Variants in ISM2 observed in about 807,000 individuals in gnomAD.
The protein encoded by ISM2 is isthmin 2, also known as isthmin-2.
ISM2 carries 50 observed loss-of-function variants against 58.0 expected under a neutral mutation model. The ratio of observed to expected loss-of-function variants is 0.86; its 90% CI spans 0.69 to 1.09. The LOEUF is 1.09. Ranked by LOEUF, ISM2 falls within the 50% of genes least tolerant of loss-of-function variation. The pLI, the probability that ISM2 is intolerant of heterozygous loss-of-function variation, is 0.00. For missense variants in ISM2, 723 were observed against 745.0 expected (o/e 0.97, Z 0.34); for synonymous variants, 303 against 312.4 (o/e 0.97, Z 0.32).
intron 1 of ISM2, among the ~76,000 whole-genome samples, chr14:77,496,393 C>T (rs979689276): frequency 6.6e-6 from 1 of 151,896 alleles, no homozygotes; most frequent in Non-Finnish European, 1.5e-5. Context: ...GAGGCAGAGG[C>T]AGGAGAATCG....
At chr14:77,496,722 G>A (rs1223386219) in intron 1 of ISM2, among the ~76,000 whole-genome samples, 5 of 139,712 alleles carry the variant, frequency 3.6e-5, no homozygotes, top group Non-Finnish European at 7.7e-5. Context: ...GCTTGAACCC[G>A]AGAGGCGGAG....
At chr14:77,491,026 C>T (rs2079200380) in intron 1 of ISM2, among the ~76,000 whole-genome samples, 1 of 152,230 alleles carries the variant, frequency 6.6e-6, no homozygotes, top group Non-Finnish European at 1.5e-5. Flanking sequence ...AGAAAGACCC[C>T]ACAACCAGAT....
Position 77,475,666 on chromosome 14 carries a change from C to G in ISM2, c.1645G>C (p.Gly549Arg), listed in dbSNP as rs373723599. The G allele has an allele frequency of 2.5e-6, 4 of 1,613,656 alleles. No individual in the cohort carries two copies. The highest frequency in any genetic ancestry group is 1.7e-6 in the Non-Finnish European group (2 of 1,179,762). The change falls in exon 7 of 7, where the codon GGC becomes CGC. Residue 549 changes from glycine (G) to arginine (R), a missense_variant. Coordinates refer to ENST00000342219, the MANE Select transcript of ISM2 (RefSeq NM_199296.3). This position sits in a 1 kb window ranked among gnomAD's most constrained non-coding sequence, Gnocchi z 4.1. ...AGGGGGTTGTCGGTGCAGGCTCGGCCGTTGTTGGGAGGGAGCACAGCGTGG... is the reference window on the plus strand; with the variant it reads ...AGGGGGTTGTCGGTGCAGGCTCGGCGGTTGTTGGGAGGGAGCACAGCGTGG... Reference protein sequence around the residue: ...RLHAVLPPNNGRACTDNPLEE... With the variant: ...RLHAVLPPNNRRACTDNPLEE...
intron 1 of ISM2, among the ~76,000 whole-genome samples, chr14:77,493,537 C>T (rs1274599490): frequency 6.6e-6 from 1 of 152,208 alleles, no homozygotes; most frequent in Admixed American, 6.5e-5. Context: ...TCTCAGCACA[C>T]TGCAACCTCT....
rs1229245024 is a variant in ISM2, at chr14:77,475,868, A to G, written c.1443T>C (p.Ser481=). The G allele has an allele frequency of 6.2e-7, 1 of 1,608,452 alleles. No individual in the cohort carries two copies. The highest frequency in any genetic ancestry group is 1.7e-5 in the Admixed American group (1 of 60,006). ...TARFCLRSML[S]GESSTLAAQH... ...GGGCGGCCAGTGTGCTGCTCTCCCC[A>G]GACAGCATGGAACGCAGGCAGAAGC... is the stretch of plus-strand genomic sequence containing the variant. Residue 481 remains serine (S), a synonymous_variant, in exon 7 of 7, where the codon TCT becomes TCC. Transcript: ENST00000342219. The surrounding 1 kb of genome is among the most constrained non-coding windows in gnomAD (Gnocchi z 4.1).
rs1212385838 is a variant in ISM2, at chr14:77,474,555, G to C, written c.*1040C>G. ...TAGAAGGCAAGGAAGTGCAGCCAGG[G>C]GAATGGGGAGGCAGGGAAGAGGCAT... On this transcript the variant is annotated 3_prime_UTR_variant, in exon 7 of 7. Transcript: ENST00000342219. 6.6e-6 allele frequency: 1 copy of C among 152,300 alleles called. No individual in the cohort carries two copies. Among genetic ancestry groups the C allele is most frequent in the Non-Finnish European group, 1.5e-5 (1 of 68,108 alleles). 9.4% of individuals were successfully genotyped at this position (152,300 alleles called of 1,614,324 possible). A position where few individuals can be genotyped will look rare whatever the true frequency, so the allele number is the denominator to read the frequency against.
rs755978082 is a variant in ISM2 at position 77,482,393 on chromosome 14, C to A, written c.902G>T (p.Gly301Val). 6.2e-7 allele frequency: 1 copy of A among 1,614,172 alleles called. No homozygotes were observed. The highest frequency in any genetic ancestry group is 8.5e-7 in the Non-Finnish European group (1 of 1,180,008). The change falls in exon 4 of 7, where the codon GGA becomes GTA. Residue 301 changes from glycine to valine, a missense_variant. Coordinates refer to ENST00000342219, the MANE Select transcript of ISM2 (RefSeq NM_199296.3). ...DEEEQALWFN[G>V]TTDNWDQGWL... Reference sequence around the variant, plus strand: ...GCCCTGGTCCCAGTTGTCTGTAGTTCCATTGAACCAGAGCGCCTGCTCTTC... The same window carrying A: ...GCCCTGGTCCCAGTTGTCTGTAGTTACATTGAACCAGAGCGCCTGCTCTTC...
intron 6 of ISM2, among the ~76,000 whole-genome samples, chr14:77,476,833 C>T (rs574273379): frequency 1.3e-4 from 20 of 152,286 alleles, no homozygotes; most frequent in Non-Finnish European, 2.1e-4. Flanking sequence ...GAGGTAGGAG[C>T]TCAAGACCAG....
rs200501865 is a variant in ISM2, at chr14:77,495,138, C to T, written c.141+3515G>A. 4.6e-5 allele frequency among the ~76,000 whole-genome samples: 7 copies of T among 152,226 alleles called. No homozygotes were observed. The East Asian group carries it at 1.2e-3, about 25-fold the overall frequency. ...CTCCTGGGCTCAAGCAATTCTCCCA[C>T]CTTGGCCTCCCAAAGTGCTGGGATT... On this transcript the variant is annotated intron_variant, in intron 1 of 6. Coordinates refer to ENST00000342219, the MANE Select transcript of ISM2 (RefSeq NM_199296.3).
At chr14:77,478,177 T>C in intron 6 of ISM2, 65 bp downstream of exon 6, 2 of 1,342,066 alleles carry the variant, frequency 1.5e-6, no homozygotes, top group Non-Finnish European at 2.1e-6. Context: ...CATGGAATAA[T>C]ACCCCACCCT....
chr14:77,476,984 G>A (rs1409756833), intron 6 of ISM2, among the ~76,000 whole-genome samples: 1 of 152,182 alleles, frequency 6.6e-6, no homozygotes, highest in East Asian at 1.9e-4. Flanking sequence ...GTTGCAGTGA[G>A]CTGAGATCAC....
At position 77,475,631 on chromosome 14, in the gene ISM2, C is replaced by T. The variant is rs759354654; in HGVS notation, c.1680G>A (p.Glu560=). ...TGGCCTCCTGCAACTGTGCTAGGTA[C>T]TCCTCCTCCAGGGGGTTGTCGGTGC... ...RACTDNPLEE[E]YLAQLQEAKE... Residue 560 remains glutamate, a synonymous_variant, in exon 7 of 7, where the codon GAG becomes GAA. Transcript: ENST00000342219. This position sits in a 1 kb window ranked among gnomAD's most constrained non-coding sequence, Gnocchi z 4.1. The T allele has an allele frequency of 1.7e-5, 28 of 1,607,128 alleles. No individual in the cohort carries two copies. The highest frequency in any genetic ancestry group is 2.1e-5 in the Non-Finnish European group (25 of 1,176,342).
intron 1 of ISM2, 78 bp downstream of exon 1, chr14:77,498,574 TC>T: frequency 7.2e-7 from 1 of 1,388,082 alleles, no homozygotes; most frequent in Non-Finnish European, 9.3e-7. Context: ...CCGGTCCCGC[TC>T]CCCGCACGGC....
chr14:77,480,633 C>G (rs577689050), intron 4 of ISM2, among the ~76,000 whole-genome samples: 40 of 147,798 alleles, frequency 2.7e-4, no homozygotes, highest in Non-Finnish European at 4.1e-4. Flanking sequence ...TCATGGCTCA[C>G]TGCAGCCTTG....
At chr14:77,495,827 C>T (rs560523435) in intron 1 of ISM2, among the ~76,000 whole-genome samples, 1 of 152,276 alleles carries the variant, frequency 6.6e-6, no homozygotes, top group African/African-American at 2.4e-5. Context: ...ATAACTAGAT[C>T]TTGTGAGGGA....
intron 1 of ISM2, among the ~76,000 whole-genome samples, chr14:77,487,234 G>T (rs570131279): frequency 1.5e-4 from 21 of 136,884 alleles, no homozygotes; most frequent in Non-Finnish European, 2.5e-4. Flanking sequence ...AACAGAGTGA[G>T]AATCCATCTT....
chr14:77,487,799 G>A lies in ISM2; in HGVS notation c.142-2880C>T, dbSNP rs117734101. 4.6e-4 allele frequency among the ~76,000 whole-genome samples: 70 copies of A among 152,294 alleles called. No homozygotes were observed. In the East Asian group the frequency reaches 0.013, roughly 29 times the overall value. On this transcript the variant is annotated intron_variant, in intron 1 of 6. Transcript: ENST00000342219. ...GGAGCGAGACAGGGAAGGGGAGGCG[G>A]CAGTCAAGGATGCAGTCAAGCAGCA... is the stretch of plus-strand genomic sequence containing the variant.
chr14:77,478,346 A>G (rs2079110855), intron 5 of ISM2, 21 bp from the exon 6 acceptor site: 1 of 1,605,724 alleles, frequency 6.2e-7, no homozygotes, highest in African/African-American at 1.3e-5. Flanking sequence ...AAAGGAGGCC[A>G]GGCTGGTGGC....
intron 4 of ISM2, among the ~76,000 whole-genome samples, chr14:77,481,104 C>G (rs2139958008): frequency 6.6e-6 from 1 of 152,058 alleles, no homozygotes; most frequent in African/African-American, 2.4e-5. Flanking sequence ...CTTTGGGAGG[C>G]CAAGGCAGGC....
Sources: allele counts gnomAD v4.1 joint callset (sites outside exome capture counted in the v4.1 genomes callset), GRCh38; gene constraint gnomAD v4.1.1; non-coding constraint Gnocchi (gnomAD v3.1); transcripts MANE v1.5; gene names NCBI Gene and HGNC (gene_info 2026-07-23, HGNC 2026-07-21).